The following XPNPEP3 variants were observed in gnomAD, a reference collection of about 807,000 sequenced individuals.
XPNPEP3 encodes the protein X-prolyl aminopeptidase 3.
XPNPEP3 carries 41 observed loss-of-function variants against 60.0 expected under a neutral mutation model. The ratio of observed to expected loss-of-function variants is 0.68; its 90% confidence interval spans 0.53 to 0.89. XPNPEP3 has a LOEUF of 0.89. Ranked by LOEUF, XPNPEP3 falls within the 40% of genes least tolerant of loss-of-function variation. The probability of loss-of-function intolerance (pLI) is 0.00; values close to 1 mark genes in which losing one functional copy is unlikely to be tolerated. For synonymous variants in XPNPEP3, 212 were observed against 223.2 expected, an observed-to-expected ratio of 0.95 and a Z score of 0.45; for missense variants, 598 against 638.9, an observed-to-expected ratio of 0.94 and a Z score of 0.69.
At chr22:40,922,625 C>A in intron 8 of XPNPEP3, 112 bp downstream of exon 8, 1 of 1,328,076 alleles carries the variant, frequency 7.5e-7, no homozygotes, top group Non-Finnish European at 1.1e-6. Context: ...GTGATTCATG[C>A]CTGTAATCCC....
At chr22:40,864,855 G>A (rs1365781556) in intron 1 of XPNPEP3, among the ~76,000 whole-genome samples, 2 of 152,078 alleles carry the variant, frequency 1.3e-5, no homozygotes, top group Admixed American at 6.6e-5. Flanking sequence ...TAACTTACTG[G>A]GAATGTAGCC....
chr22:40,899,927 T>C (rs2058125208), intron 4 of XPNPEP3, among the ~76,000 whole-genome samples: 1 of 151,496 alleles, frequency 6.6e-6, no homozygotes, highest in South Asian at 2.1e-4. Flanking sequence ...TCCCGAATAC[T>C]CGGGAGGCAG....
At chr22:40,914,353 A>G (rs2058187745) in intron 7 of XPNPEP3, 29 bp downstream of exon 7, 1 of 1,572,934 alleles carries the variant, frequency 6.4e-7, no homozygotes. Context: ...AACGTATCCC[A>G]CTGCTTCTTA....
chr22:40,882,652 C>T (rs1274223078), intron 3 of XPNPEP3, among the ~76,000 whole-genome samples: 6 of 151,228 alleles, frequency 4.0e-5, no homozygotes, highest in Non-Finnish European at 7.4e-5. Flanking sequence ...AAAAAAGATT[C>T]ATTTATTCAT....
At chr22:40,919,792 C>T (rs1268534397) in intron 7 of XPNPEP3, among the ~76,000 whole-genome samples, 1 of 152,042 alleles carries the variant, frequency 6.6e-6, no homozygotes, top group African/African-American at 2.4e-5. Context: ...AATGAATATG[C>T]AAATTGTGGT....
intron 4 of XPNPEP3, among the ~76,000 whole-genome samples, chr22:40,896,645 T>A (rs1189267991): frequency 6.6e-6 from 1 of 151,978 alleles, no homozygotes; most frequent in Non-Finnish European, 1.5e-5. Flanking sequence ...AAAAAAAAAT[T>A]TACCATTTTA....
intron 1 of XPNPEP3, among the ~76,000 whole-genome samples, chr22:40,867,385 A>G (rs527503150): frequency 4.6e-5 from 7 of 152,268 alleles, no homozygotes; most frequent in Non-Finnish European, 7.4e-5. Flanking sequence ...TGAACATACA[A>G]TTTCTGTAAG....
chr22:40,886,320 G>A lies in XPNPEP3; in HGVS notation c.597G>A (p.Thr199=), dbSNP rs151167805. 8.6e-5 allele frequency: 138 copies of A among 1,613,936 alleles called. No homozygotes were observed. The highest frequency in any genetic ancestry group is 3.2e-4 in the Admixed American group (19 of 59,992). ...QHLLPKMKAE[T]NMVWYDWMRP... is the part of the protein sequence containing the mutation. ...TCGGCTTCTCATTCTAAGCTGAGACGAACATGGTTTGGTATGACTGGATGA... is the reference window on the plus strand; with the variant it reads ...TCGGCTTCTCATTCTAAGCTGAGACAAACATGGTTTGGTATGACTGGATGA... Residue 199 remains threonine (T), a synonymous_variant, in exon 4 of 10, where the codon ACG becomes ACA. Coordinates refer to ENST00000357137, the MANE Select transcript of XPNPEP3 (RefSeq NM_022098.4).
At chr22:40,859,025 C>T (rs1034237496) in intron 1 of XPNPEP3, among the ~76,000 whole-genome samples, 8 of 151,986 alleles carry the variant, frequency 5.3e-5, no homozygotes, top group Middle Eastern at 3.2e-3. Flanking sequence ...CAAAGTGTTG[C>T]GATTATAAGT....
Position 40,930,207 on chromosome 22 carries a change from G to T in XPNPEP3, c.*3772G>T, listed in dbSNP as rs1461892567. On this transcript the variant is annotated 3_prime_UTR_variant, in exon 10 of 10. Coordinates refer to ENST00000357137, the MANE Select transcript of XPNPEP3 (RefSeq NM_022098.4). ...TGCAGTGGCACGATCTTGGCTCACT[G>T]CAACCTCCATCTCCCGGGTTCAGGC... is the stretch of plus-strand genomic sequence containing the variant. The T allele has an allele frequency of 2.0e-5, 3 of 147,630 alleles. No individual in the cohort carries two copies. The highest frequency in any genetic ancestry group is 7.5e-5 in the African/African-American group (3 of 39,788). The allele number at this position is 147,630 out of a possible 1,614,324, so 9.1% of individuals were successfully genotyped here.
intron 7 of XPNPEP3, among the ~76,000 whole-genome samples, 185 bp downstream of exon 7, chr22:40,914,509 A>T (rs1177357351): frequency 6.6e-6 from 1 of 151,186 alleles, no homozygotes; most frequent in Non-Finnish European, 1.5e-5. Context: ...GGCACATAGA[A>T]ACACCTAGGT....
intron 3 of XPNPEP3, among the ~76,000 whole-genome samples, chr22:40,885,940 C>T (rs572168763): frequency 1.3e-5 from 2 of 152,204 alleles, no homozygotes; most frequent in East Asian, 3.9e-4. Flanking sequence ...TGAGATTGTG[C>T]CACTGCACTC....
chr22:40,918,606 C>T (rs2058205036), intron 7 of XPNPEP3, among the ~76,000 whole-genome samples: 1 of 151,638 alleles, frequency 6.6e-6, no homozygotes, highest in African/African-American at 2.4e-5. Flanking sequence ...ATCACTTGAA[C>T]CCGGGAGGTG....
intron 2 of XPNPEP3, chr22:40,870,208 C>T (rs2057998398): frequency 1.3e-5 from 4 of 308,590 alleles, no homozygotes; most frequent in South Asian, 9.8e-5. Context: ...TACCTGTAGA[C>T]TCGAGTTATT....
chr22:40,922,719 T>TAC (rs1169515438), intron 8 of XPNPEP3, among the ~76,000 whole-genome samples: 11 of 145,836 alleles, frequency 7.5e-5, no homozygotes, highest in South Asian at 6.2e-4. Context: ...CATGTAGATA[T>TAC]ATACACACAC....
chr22:40,870,591 G>A (rs1312237880), intron 2 of XPNPEP3, among the ~76,000 whole-genome samples: 2 of 152,104 alleles, frequency 1.3e-5, no homozygotes, highest in South Asian at 2.1e-4. Context: ...ACTATCAGAT[G>A]TACCATTAGG....
At chr22:40,888,431 A>G (rs1185355812) in intron 4 of XPNPEP3, 1 of 441,938 alleles carries the variant, frequency 2.3e-6, no homozygotes. Flanking sequence ...TTTTGTAGAG[A>G]CAGGGTTTCT....
chr22:40,907,311 C>T (rs1464325849), intron 4 of XPNPEP3: 5 of 417,140 alleles, frequency 1.2e-5, no homozygotes, highest in Non-Finnish European at 2.3e-5. Flanking sequence ...GTCCCAGCTA[C>T]TCGAGAGGCT....
rs532014832 is a variant in XPNPEP3, at chr22:40,924,331, C to G, written c.1237-31C>G. On this transcript the variant is annotated intron_variant, in intron 8 of 9. Coordinates refer to ENST00000357137, the MANE Select transcript of XPNPEP3 (RefSeq NM_022098.4). ...GCATTCCCTGTAAGAGGTCATTGCTCTAATGATACTGTGACAATTATCTTT... is the reference window on the plus strand; with the variant it reads ...GCATTCCCTGTAAGAGGTCATTGCTGTAATGATACTGTGACAATTATCTTT... 7 of 1,613,868 alleles carry G rather than the reference C, an allele frequency of 4.3e-6. No individual in the cohort carries two copies. In the African/African-American group the frequency reaches 9.3e-5, roughly 22 times the overall value.
Sources: allele counts gnomAD v4.1 joint callset (sites outside exome capture counted in the v4.1 genomes callset), GRCh38; gene constraint gnomAD v4.1.1; transcripts MANE v1.5; gene names NCBI Gene and HGNC (gene_info 2026-07-23, HGNC 2026-07-21).